The following TAF1 variants were observed in gnomAD, a reference collection of about 807,000 sequenced individuals.
TAF1 encodes TATA-box binding protein associated factor 1, also known as transcription initiation factor TFIID subunit 1.
A neutral mutation model predicts 138.5 loss-of-function variants in TAF1; 2 were observed. The ratio of observed to expected loss-of-function variants is 0.01; its 90% CI spans 0.01 to 0.05. TAF1 has a LOEUF of 0.05. TAF1 is among the 10% of genes least tolerant of loss of function. The pLI is 1.00. For missense variants in TAF1, 709 were observed against 1,478.0 expected, an observed-to-expected ratio of 0.48 and a Z score of 8.53; for synonymous variants, 437 against 503.2, an observed-to-expected ratio of 0.87 and a Z score of 1.76.
At chrX:71,530,023 CATT>C (rs2040074337) in exon 15 of TAF1, 1 of 166,243 alleles carries the variant, frequency 6.0e-6, no homozygotes, top group South Asian at 1.2e-4. Flanking sequence ...ATTAGGCTTT[CATT>C]GTTTTTTCCT....
intron 32 of TAF1, chrX:71,441,685 CT>C (rs772438127): frequency 9.4e-4 from 256 of 272,346 alleles, no homozygotes; most frequent in Admixed American, 2.5e-3. Flanking sequence ...AATTTTGTAT[CT>C]TTTTTTTTTC....
At chrX:71,494,053 A>G (rs1196688431) in intron 13 of TAF1, among the ~76,000 whole-genome samples, 1 of 111,845 alleles carries the variant, frequency 8.9e-6, no homozygotes, top group African/African-American at 3.3e-5. Flanking sequence ...TCCAATCCGC[A>G]GACCGTGGGC....
chrX:71,384,283 G>A lies in TAF1; in HGVS notation c.2121+148G>A, dbSNP rs2034078262. ...CAAATTTTTTATTATTAACGTAGCT[G>A]TAGTTAGAGATCTACTGGTAATCTG... is the stretch of plus-strand genomic sequence containing the variant. On this transcript the variant is annotated intron_variant, in intron 13 of 37. Coordinates refer to ENST00000423759, the MANE Select transcript of TAF1 (RefSeq NM_004606.5). The A allele has an allele frequency of 7.9e-6, 5 of 635,374 alleles. No homozygotes were observed. The South Asian group carries it at 1.0e-4, about 13-fold the overall frequency. 52.4% of individuals were successfully genotyped at this position (635,374 alleles called of 1,213,427 possible). A position where few individuals can be genotyped will look rare whatever the true frequency, so the allele number is the denominator to read the frequency against.
intron 24 of TAF1, among the ~76,000 whole-genome samples, chrX:71,400,777 A>G (rs753390564): frequency 8.9e-6 from 1 of 112,806 alleles, no homozygotes; most frequent in South Asian, 3.7e-4. Context: ...TATTCAACAA[A>G]TGAAACTGTT....
chrX:71,413,530 T>C (rs2035902109), intron 28 of TAF1, among the ~76,000 whole-genome samples: 1 of 112,232 alleles, frequency 8.9e-6, no homozygotes, highest in Admixed American at 9.6e-5. Context: ...TCCTTGATAC[T>C]GTCTTCTCCC....
At chrX:71,527,386 C>CAAAAAA (rs397952861) in intron 13 of TAF1, among the ~76,000 whole-genome samples, 6 of 43,405 alleles carry the variant, frequency 1.4e-4, no homozygotes, top group East Asian at 5.3e-4. Flanking sequence ...AACTCCGTCT[C>CAAAAAA]AAAAAAAAAA....
intron 28 of TAF1, chrX:71,420,353 T>C (rs879050844): frequency 1.7e-6 from 2 of 1,201,660 alleles, no homozygotes; most frequent in Middle Eastern, 2.7e-4. Context: ...ACTCTATATA[T>C]GCAAACCCTT....
intron 13 of TAF1, among the ~76,000 whole-genome samples, chrX:71,493,410 C>T (rs759592538): frequency 2.7e-5 from 3 of 112,742 alleles, no homozygotes; most frequent in South Asian, 3.6e-4. Flanking sequence ...AACCTTGTTA[C>T]AATGTCTTAA....
intron 37 of TAF1, among the ~76,000 whole-genome samples, chrX:71,463,538 T>C (rs1331324801): frequency 8.9e-6 from 1 of 111,850 alleles, no homozygotes; most frequent in Non-Finnish European, 1.9e-5. Flanking sequence ...AAGTGGTAGA[T>C]GAAACCATGA....
intron 3 of TAF1, 135 bp downstream of exon 3, chrX:71,368,305 C>T: frequency 3.4e-6 from 2 of 581,668 alleles, no homozygotes; most frequent in Non-Finnish European, 5.3e-6. Context: ...TCCTCCACTC[C>T]CTTTGTCAGG....
chrX:71,423,281 G>A, intron 30 of TAF1, 42 bp downstream of exon 30: 2 of 1,208,588 alleles, frequency 1.7e-6, no homozygotes, highest in Non-Finnish European at 2.2e-6. Flanking sequence ...ATCGTGCAGG[G>A]GAAAGGAAAA....
At chrX:71,387,546 C>A in intron 15 of TAF1, 85 bp downstream of exon 15, 1 of 1,099,071 alleles carries the variant, frequency 9.1e-7, no homozygotes, top group Non-Finnish European at 1.2e-6. Context: ...TGGCTGTAAT[C>A]CCAGCACTTT....
At chrX:71,431,487 A>T (rs1181582301) in intron 32 of TAF1, among the ~76,000 whole-genome samples, 1 of 111,263 alleles carries the variant, frequency 9.0e-6, no homozygotes, top group Non-Finnish European at 1.9e-5. Context: ...TGTATGTAAA[A>T]TATGATTGTA....
intron 34 of TAF1, among the ~76,000 whole-genome samples, chrX:71,457,906 T>G (rs907103241): frequency 3.6e-5 from 4 of 112,306 alleles, no homozygotes; most frequent in African/African-American, 9.7e-5. Flanking sequence ...AAAATAGCAC[T>G]GATATGAAGC....
intron 13 of TAF1, among the ~76,000 whole-genome samples, chrX:71,489,696 A>G (rs2039240953): frequency 9.0e-6 from 1 of 111,064 alleles, no homozygotes; most frequent in Non-Finnish European, 1.9e-5. Flanking sequence ...AAAAAAATGT[A>G]AGCCTAAATT....
downstream of TAF1, among the ~76,000 whole-genome samples, chrX:71,468,037 G>A (rs780761406): frequency 7.2e-5 from 8 of 110,853 alleles, no homozygotes; most frequent in Non-Finnish European, 1.3e-4. Context: ...TGGGTGAATC[G>A]CTTGAGCCTG....
intron 13 of TAF1, among the ~76,000 whole-genome samples, chrX:71,524,757 A>G (rs1374949047): frequency 9.1e-6 from 1 of 109,626 alleles, no homozygotes; most frequent in Admixed American, 9.8e-5. Flanking sequence ...CCTGGCCAAC[A>G]TGGTGAAACC....
chrX:71,452,649 C>T (rs2038067057), intron 32 of TAF1, among the ~76,000 whole-genome samples: 4 of 111,886 alleles, frequency 3.6e-5, no homozygotes, highest in African/African-American at 1.3e-4. Flanking sequence ...CCTCACTTCC[C>T]AGACGAGGTG....
intron 13 of TAF1, among the ~76,000 whole-genome samples, chrX:71,471,346 T>TAC (rs1189459686): frequency 0.021 from 2,022 of 95,596 alleles, 53 homozygotes; most frequent in African/African-American, 0.058. Flanking sequence ...TATATATATA[T>TAC]ACACACACAC....
Sources: gnomAD v4.1 joint callset for allele counts (sites outside exome capture counted in the v4.1 genomes callset) on GRCh38, gnomAD v4.1.1 for gene constraint, MANE v1.5 for transcripts, NCBI Gene and HGNC (gene_info 2026-07-23, HGNC 2026-07-21) for gene names.